The following SAMD5 variants were observed in gnomAD, a reference collection of about 807,000 sequenced individuals.
SAMD5 encodes sterile alpha motif domain-containing protein 5.
In SAMD5, 13 loss-of-function variants were observed where a neutral mutation model predicts 11.3. The ratio of observed to expected loss-of-function variants is 1.15; its 90% confidence interval spans 0.75 to 1.83. The LOEUF is 1.83. Among genes scored for constraint, SAMD5 ranks in the 40% most tolerant of loss-of-function variants. The pLI is 0.00. For missense variants in SAMD5, 255 were observed against 239.1 expected (o/e 1.07, Z -0.44); for synonymous variants, 129 against 111.3 (o/e 1.16, Z -1.00).
the SAMD5 span, among the ~76,000 whole-genome samples, chr6:147,761,622 A>G: frequency 6.6e-6 from 1 of 152,206 alleles, no homozygotes; most frequent in Non-Finnish European, 1.5e-5. Flanking sequence ...AATTTTTACA[A>G]ATGTGCTGGA....
intron 1 of SAMD5, among the ~76,000 whole-genome samples, chr6:147,693,445 C>T (rs1054556603): frequency 3.6e-4 from 55 of 152,200 alleles, no homozygotes; most frequent in African/African-American, 1.2e-3. Context: ...CAGAGCCCCA[C>T]GTCCTGCCCT....
At chr6:147,533,636 G>A (rs978462185) in intron 1 of SAMD5, among the ~76,000 whole-genome samples, 1 of 151,890 alleles carries the variant, frequency 6.6e-6, no homozygotes, top group African/African-American at 2.4e-5. Context: ...ATAAAACCTA[G>A]AGGATGTGTG....
chr6:147,549,696 C>T (rs184402798), intron 1 of SAMD5, among the ~76,000 whole-genome samples: 11 of 152,056 alleles, frequency 7.2e-5, no homozygotes, highest in Non-Finnish European at 1.2e-4. Flanking sequence ...TGAGCCTTTG[C>T]CTCATGTTTT....
rs572825107 is a variant in SAMD5 at position 147,545,398 on chromosome 6, G to C, written c.460-18996G>C. 3.3e-5 allele frequency among the ~76,000 whole-genome samples: 5 copies of C among 152,250 alleles called. No homozygotes were observed. The South Asian group carries it at 1.0e-3, about 32-fold the overall frequency. ...TAGAGAGTTCAGTGAATTTACTTTT[G>C]CCTCCTGGTTTGTAAATAGTTAACA... On this transcript the variant is annotated intron_variant, in intron 1 of 1. Coordinates refer to ENST00000367474, the MANE Select transcript of SAMD5 (RefSeq NM_001030060.3).
intron 1 of SAMD5, among the ~76,000 whole-genome samples, chr6:147,538,736 C>T (rs1023545926): frequency 3.3e-5 from 5 of 152,140 alleles, no homozygotes; most frequent in Admixed American, 3.3e-4. Flanking sequence ...TTTAGCAAAT[C>T]GGATATCTGA....
chr6:147,508,870 G>T lies in SAMD5; in HGVS notation c.-59G>T. The T allele has an allele frequency of 6.4e-7, 1 of 1,567,056 alleles. No individual in the cohort carries two copies. The highest frequency in any genetic ancestry group is 1.2e-5 in the South Asian group (1 of 85,070). On this transcript the variant is annotated 5_prime_UTR_variant, in exon 1 of 2. Coordinates refer to ENST00000367474, the MANE Select transcript of SAMD5 (RefSeq NM_001030060.3). ...AGGATTAAAAGTTCCAAGAACTGGT[G>T]CCGCCCGTGCCATTTGGGCGCTGGG...
chr6:147,835,241 A>AC, the SAMD5 span, among the ~76,000 whole-genome samples: 1 of 150,634 alleles, frequency 6.6e-6, no homozygotes. Context: ...TTAAAAAAAA[A>AC]AAAAACAAAA....
intron 1 of SAMD5, among the ~76,000 whole-genome samples, chr6:147,541,153 T>C (rs1788597564): frequency 1.3e-5 from 2 of 152,016 alleles, no homozygotes; most frequent in Non-Finnish European, 2.9e-5. Flanking sequence ...TTTCACCATG[T>C]TGGCCAGGCT....
intron 1 of SAMD5, among the ~76,000 whole-genome samples, chr6:147,701,504 C>T (rs957106506): frequency 1.3e-5 from 2 of 151,924 alleles, no homozygotes; most frequent in African/African-American, 2.4e-5. Flanking sequence ...CGTGGTGACA[C>T]GCGCCTGTAA....
intron 1 of SAMD5, among the ~76,000 whole-genome samples, chr6:147,704,971 G>C (rs58217474): frequency 0.06 from 9,170 of 152,264 alleles, 312 homozygotes; most frequent in African/African-American, 0.096. Context: ...AGTAACTATG[G>C]CTGTTGGCAC....
intron 1 of SAMD5, among the ~76,000 whole-genome samples, chr6:147,554,621 C>T (rs562963251): frequency 6.6e-6 from 1 of 152,248 alleles, no homozygotes; most frequent in Admixed American, 6.5e-5. Context: ...TCTTTGCAAC[C>T]CCCTCACCAG....
At chr6:147,611,845 A>T (rs970987221) in intron 1 of SAMD5, among the ~76,000 whole-genome samples, 1 of 152,168 alleles carries the variant, frequency 6.6e-6, no homozygotes, top group African/African-American at 2.4e-5. Context: ...TTGCAGTCAT[A>T]CGTCAGCTTC....
rs552775034 is a variant in SAMD5 at position 147,656,849 on chromosome 6, C to T, written c.163-80468C>T. Among the ~76,000 whole-genome samples, 6 of 151,950 alleles carry T rather than the reference C, an allele frequency of 3.9e-5. No individual in the cohort carries two copies. In the South Asian group the frequency reaches 6.2e-4, roughly 16 times the overall value. On this transcript the variant is annotated intron_variant, in intron 1 of 1. Transcript: ENST00000566741. ...TGCATTTGGTTTCTATCCTAGCAAT[C>T]CCGCTTCTAAGAATTTACTCTAAAG...
intron 1 of SAMD5, among the ~76,000 whole-genome samples, chr6:147,701,682 G>C (rs574252877): frequency 3.9e-4 from 59 of 151,420 alleles, no homozygotes; most frequent in African/African-American, 1.4e-3. Context: ...AAAACTGAAT[G>C]ATATGTATTC....
the SAMD5 span, among the ~76,000 whole-genome samples, chr6:147,782,320 C>T: frequency 2.0e-5 from 3 of 152,248 alleles, no homozygotes; most frequent in East Asian, 1.9e-4. Flanking sequence ...TTAAAAGTTG[C>T]GTTCAGATAC....
chr6:147,824,418 A>T, the SAMD5 span, among the ~76,000 whole-genome samples: 1 of 152,176 alleles, frequency 6.6e-6, no homozygotes, highest in Middle Eastern at 3.2e-3. Flanking sequence ...TAAAAAACCT[A>T]ACAGAGGGAA....
At chr6:147,954,109 A>G in the SAMD5 span, among the ~76,000 whole-genome samples, 1 of 152,202 alleles carries the variant, frequency 6.6e-6, no homozygotes, top group Non-Finnish European at 1.5e-5. Flanking sequence ...ACTGTGATTT[A>G]AAAGTGTGTA....
chr6:147,520,408 C>T (rs1475584505), intron 1 of SAMD5, among the ~76,000 whole-genome samples: 4 of 152,104 alleles, frequency 2.6e-5, no homozygotes, highest in Non-Finnish European at 5.9e-5. Flanking sequence ...CCGCCATGCC[C>T]GGTTGAGAAC....
intron 1 of SAMD5, among the ~76,000 whole-genome samples, chr6:147,514,860 G>C (rs1788140805): frequency 6.6e-6 from 1 of 152,150 alleles, no homozygotes; most frequent in Admixed American, 6.5e-5. Context: ...ATGCTAATAA[G>C]GCTATTTATG....
Sources: allele counts gnomAD v4.1 joint callset (sites outside exome capture counted in the v4.1 genomes callset), GRCh38; gene constraint gnomAD v4.1.1; transcripts MANE v1.5; gene names NCBI Gene and HGNC (gene_info 2026-07-23, HGNC 2026-07-21).